UMAD1: variants seen among roughly 807,000 people sequenced by gnomAD.
The protein encoded by UMAD1 is UBAP1-MVB12-associated (UMA)-domain containing protein 1.
A neutral mutation model predicts 6.1 loss-of-function variants in UMAD1; 8 were observed. That is an observed-to-expected ratio of 1.30 (90% CI 0.76 to 2.35). The LOEUF (loss-of-function observed/expected upper bound fraction) is 2.35. UMAD1 is among the 30% of genes most tolerant of loss of function. UMAD1 has a pLI of 0.00. For missense variants in UMAD1, 130 were observed against 78.4 expected (o/e 1.66, Z -2.49); for synonymous variants, 56 against 31.4 (o/e 1.78, Z -2.61).
chr7:7,824,566 T>C (rs1783305318), intron 3 of UMAD1, among the ~76,000 whole-genome samples: 1 of 152,200 alleles, frequency 6.6e-6, no homozygotes, highest in Non-Finnish European at 1.5e-5. Flanking sequence ...AATTCTGCTA[T>C]CCTACTTGAG....
chr7:7,852,832 C>A (rs577400717), intron 3 of UMAD1, among the ~76,000 whole-genome samples: 8 of 152,306 alleles, frequency 5.3e-5, no homozygotes, highest in African/African-American at 1.9e-4. Flanking sequence ...AGAAATGTGA[C>A]TGGACAAAAT....
chr7:7,819,131 T>A (rs187379990), intron 3 of UMAD1, among the ~76,000 whole-genome samples: 231 of 152,300 alleles, frequency 1.5e-3, no homozygotes, highest in African/African-American at 5.1e-3. Context: ...ATTACAGGCA[T>A]GAACCACCTT....
In UMAD1 at chr7:7,847,107, ATATATATATATATATATAT is replaced by A. The variant is rs1783817270; in HGVS notation, c.157-30173_157-30155del. Among the ~76,000 whole-genome samples the A allele has an allele frequency of 2.7e-3, 13 of 4,878 alleles. 3 individuals are homozygous for A. Among genetic ancestry groups the A allele is most frequent in the African/African-American group, 0.018 (11 of 618 alleles). The allele number at this position is 4,878 out of a possible 152,430, so 3.2% of individuals were successfully genotyped here. ...CAATGCAAAAAAAAAAAAAAAAAAT[ATATATATATATATATATAT>A]ATATATATATATATATATATATATA... On this transcript the variant is annotated intron_variant, in intron 3 of 3. Transcript: ENST00000682710.
intron 2 of UMAD1, among the ~76,000 whole-genome samples, chr7:7,801,073 C>G (rs1782789843): frequency 6.6e-6 from 1 of 152,216 alleles, no homozygotes; most frequent in African/African-American, 2.4e-5. Flanking sequence ...CTGTGTCCTT[C>G]AAGCCAGCCT....
At chr7:7,748,224 G>A (rs6963595) in intron 2 of UMAD1, among the ~76,000 whole-genome samples, 26,898 of 151,610 alleles carry the variant, frequency 0.18, 4,139 homozygotes, top group African/African-American at 0.42. Context: ...GATTACAGGC[G>A]TGAGCCACCG....
chr7:7,840,369 T>C (rs1449037824), intron 3 of UMAD1, among the ~76,000 whole-genome samples: 1 of 152,102 alleles, frequency 6.6e-6, no homozygotes, highest in Non-Finnish European at 1.5e-5. Context: ...TCATAGAATA[T>C]TGATGCCCCG....
At chr7:7,783,026 C>A (rs947122189) in intron 2 of UMAD1, among the ~76,000 whole-genome samples, 1 of 152,204 alleles carries the variant, frequency 6.6e-6, no homozygotes, top group Non-Finnish European at 1.5e-5. Flanking sequence ...AGGCATCGTG[C>A]CCAACCTAGT....
chr7:7,666,104 A>AT (rs1294663337), intron 1 of UMAD1, among the ~76,000 whole-genome samples: 2 of 152,192 alleles, frequency 1.3e-5, no homozygotes, highest in African/African-American at 4.8e-5. Flanking sequence ...TGGCTGTACC[A>AT]TATTACCCTT....
At chr7:7,756,960 GTACCAGT>G (rs1188436481) in intron 2 of UMAD1, among the ~76,000 whole-genome samples, 1 of 152,220 alleles carries the variant, frequency 6.6e-6, no homozygotes, top group East Asian at 1.9e-4. Flanking sequence ...TGAGAGGGAA[GTACCAGT>G]TTGACAGAAT....
At chr7:7,844,454 A>G (rs1783745993) in intron 3 of UMAD1, among the ~76,000 whole-genome samples, 1 of 152,134 alleles carries the variant, frequency 6.6e-6, no homozygotes, top group Non-Finnish European at 1.5e-5. Context: ...TTGTATTGTT[A>G]GTAGGTCCTC....
chr7:7,659,089 G>A (rs1047195380), intron 1 of UMAD1, among the ~76,000 whole-genome samples: 8 of 152,162 alleles, frequency 5.3e-5, no homozygotes, highest in Non-Finnish European at 8.8e-5. Context: ...TAGTTTATTT[G>A]CGTAGCTTGT....
chr7:7,840,870 T>TAA (rs766866560), intron 3 of UMAD1, among the ~76,000 whole-genome samples: 32 of 152,176 alleles, frequency 2.1e-4, no homozygotes, highest in Non-Finnish European at 4.0e-4. Flanking sequence ...CTACAGTTGT[T>TAA]GTGAAGCTTG....
At chr7:7,868,996 C>T (rs1784287001) in intron 3 of UMAD1, among the ~76,000 whole-genome samples, 1 of 152,174 alleles carries the variant, frequency 6.6e-6, no homozygotes, top group Admixed American at 6.5e-5. Flanking sequence ...AGGAAACAAT[C>T]TTTGCCGTTG....
chr7:7,719,180 A>G (rs1302288578), intron 2 of UMAD1, among the ~76,000 whole-genome samples: 1 of 152,226 alleles, frequency 6.6e-6, no homozygotes, highest in Non-Finnish European at 1.5e-5. Flanking sequence ...AAGATCTAGC[A>G]GATACAATGA....
chr7:7,788,232 G>A (rs1247881281), intron 2 of UMAD1, among the ~76,000 whole-genome samples: 3 of 152,200 alleles, frequency 2.0e-5, no homozygotes, highest in African/African-American at 7.2e-5. Context: ...CGTATGACTT[G>A]TAAAGCAGAC....
intron 2 of UMAD1, among the ~76,000 whole-genome samples, chr7:7,791,607 G>T (rs539257476): frequency 2.0e-5 from 3 of 152,134 alleles, no homozygotes; most frequent in African/African-American, 7.2e-5. Context: ...TTGGGGTTCC[G>T]TCAAGATCTT....
At chr7:7,871,066 C>T (rs940137315) in intron 3 of UMAD1, among the ~76,000 whole-genome samples, 3 of 152,156 alleles carry the variant, frequency 2.0e-5, no homozygotes, top group Non-Finnish European at 2.9e-5. Context: ...TCACTGTCCA[C>T]GGTGTTTTTC....
chr7:7,821,807 G>T (rs1168434240), intron 3 of UMAD1, among the ~76,000 whole-genome samples: 1 of 152,118 alleles, frequency 6.6e-6, no homozygotes, highest in African/African-American at 2.4e-5. Flanking sequence ...TGGCTTTTAT[G>T]TGGTTGTTAG....
intron 2 of UMAD1, among the ~76,000 whole-genome samples, chr7:7,752,120 T>G (rs987373945): frequency 6.6e-6 from 1 of 152,310 alleles, no homozygotes; most frequent in Non-Finnish European, 1.5e-5. Flanking sequence ...TGAGATAATT[T>G]AGATAATGGA....
Sources: allele counts gnomAD v4.1 joint callset (sites outside exome capture counted in the v4.1 genomes callset), GRCh38; gene constraint gnomAD v4.1.1; transcripts MANE v1.5; gene names NCBI Gene and HGNC (gene_info 2026-07-23, HGNC 2026-07-21).